Variants in PPFIBP2 observed in about 807,000 individuals in gnomAD.
PPFIBP2 encodes liprin-beta-2.
In PPFIBP2, 118 loss-of-function variants were observed where a neutral mutation model predicts 118.3. The observed-to-expected ratio is 1.00, with a 90% CI of 0.86 to 1.16. PPFIBP2 has a LOEUF of 1.16. PPFIBP2 is among the 50% of genes most tolerant of loss of function. The pLI, the probability that PPFIBP2 is intolerant of heterozygous loss-of-function variation, is 0.00. For missense variants in PPFIBP2, 1,195 were observed against 1,073.1 expected (o/e 1.11, Z -1.59); for synonymous variants, 414 against 397.4 (o/e 1.04, Z -0.50).
At chr11:7,578,431 A>G (rs1856777282) in intron 3 of PPFIBP2, among the ~76,000 whole-genome samples, 1 of 152,230 alleles carries the variant, frequency 6.6e-6, no homozygotes, top group South Asian at 2.1e-4. Flanking sequence ...AAGAACCAGG[A>G]AGTGTCCAGC....
chr11:7,649,098 T>G, intron 19 of PPFIBP2, 49 bp from the exon 20 acceptor site: 1 of 1,553,568 alleles, frequency 6.4e-7, no homozygotes, highest in South Asian at 1.2e-5. Context: ...GTGTCTACAT[T>G]CTCTCATTCT....
At chr11:7,516,059 A>C (rs562268048) in intron 1 of PPFIBP2, among the ~76,000 whole-genome samples, 24 of 152,328 alleles carry the variant, frequency 1.6e-4, no homozygotes, top group African/African-American at 5.8e-4. Flanking sequence ...AAACCTGGCT[A>C]TGCCTCATAA....
chr11:7,623,650 T>C (rs1849624621), intron 7 of PPFIBP2, among the ~76,000 whole-genome samples: 2 of 152,188 alleles, frequency 1.3e-5, no homozygotes, highest in African/African-American at 4.8e-5. Flanking sequence ...AGATTCTCTC[T>C]TGATCGGTCC....
chr11:7,612,664 G>A (rs987910713), intron 6 of PPFIBP2, among the ~76,000 whole-genome samples: 5 of 152,234 alleles, frequency 3.3e-5, no homozygotes, highest in African/African-American at 7.2e-5. Flanking sequence ...GACCCTGAGT[G>A]TCTGGCCTCA....
intron 2 of PPFIBP2, among the ~76,000 whole-genome samples, chr11:7,550,327 G>C (rs1431644986): frequency 2.0e-5 from 3 of 152,230 alleles, no homozygotes; most frequent in Admixed American, 1.3e-4. Flanking sequence ...GGCTGGAAGA[G>C]AGCGTGGAGG....
At chr11:7,604,137 G>A (rs1847028434) in intron 5 of PPFIBP2, among the ~76,000 whole-genome samples, 1 of 152,122 alleles carries the variant, frequency 6.6e-6, no homozygotes, top group South Asian at 2.1e-4. Context: ...TGAGATTAAG[G>A]GCTCCAAGAA....
intron 13 of PPFIBP2, 123 bp from the exon 14 acceptor site, chr11:7,635,429 A>T: frequency 4.6e-6 from 4 of 875,248 alleles, no homozygotes; most frequent in Non-Finnish European, 7.6e-6. Context: ...TGACATGAAG[A>T]TGTGGAGGGA....
At chr11:7,529,564 A>G (rs939696323) in intron 1 of PPFIBP2, among the ~76,000 whole-genome samples, 7 of 152,144 alleles carry the variant, frequency 4.6e-5, no homozygotes, top group Admixed American at 4.6e-4. Context: ...ATGCCAGTGC[A>G]TGGAGCCAGG....
At position 7,577,493 on chromosome 11, in the gene PPFIBP2, G is replaced by A. The variant is rs562090589; in HGVS notation, c.279+11726G>A. The A allele has an allele frequency of 1.5e-3, 655 of 448,420 alleles. 2 individuals are homozygous for A. Among genetic ancestry groups the A allele is most frequent in the Non-Finnish European group, 2.3e-3 (510 of 221,852 alleles). 27.8% of individuals were successfully genotyped at this position (448,420 alleles called of 1,614,324 possible). ...GAACACAGCTTGGAGTTCTTGAGGG[G>A]GGAGGGGGCAGAGGCAAGGAAGAGG... On this transcript the variant is annotated intron_variant, in intron 3 of 23. Transcript: ENST00000299492.
intron 3 of PPFIBP2, among the ~76,000 whole-genome samples, chr11:7,573,064 GC>G (rs1390205411): frequency 6.6e-6 from 1 of 152,228 alleles, no homozygotes; most frequent in Non-Finnish European, 1.5e-5. Flanking sequence ...ACAGGCATGA[GC>G]CACCATACCT....
intron 1 of PPFIBP2, among the ~76,000 whole-genome samples, chr11:7,522,793 G>T (rs1431941359): frequency 6.6e-6 from 1 of 152,186 alleles, no homozygotes; most frequent in East Asian, 1.9e-4. Context: ...GCTGATGGGA[G>T]ATATGAAGTA....
At chr11:7,555,391 A>T (rs1333499014) in intron 2 of PPFIBP2, among the ~76,000 whole-genome samples, 1 of 152,122 alleles carries the variant, frequency 6.6e-6, no homozygotes, top group Non-Finnish European at 1.5e-5. Context: ...AAAACAACAA[A>T]AGATTGTGCA....
the PPFIBP2 span, chr11:7,666,284 CTT>C: frequency 3.3e-6 from 2 of 608,424 alleles, no homozygotes; most frequent in Non-Finnish European, 3.0e-6. Flanking sequence ...ATCCCAAATC[CTT>C]TCTCCCTCAA....
rs548380677 is a variant in PPFIBP2 at position 7,641,169 on chromosome 11, C to T, written c.1376-310C>T. ...TCAGCCAGGGACCCACTACTGCCTGCGTTCCTGCATCTCCCTCTGAGGAAA... is the reference window on the plus strand; with the variant it reads ...TCAGCCAGGGACCCACTACTGCCTGTGTTCCTGCATCTCCCTCTGAGGAAA... On this transcript the variant is annotated intron_variant, in intron 15 of 23. Coordinates refer to ENST00000299492, the MANE Select transcript of PPFIBP2 (RefSeq NM_003621.5). The T allele has an allele frequency of 3.2e-4, 320 of 997,308 alleles. 2 individuals are homozygous for T. The highest frequency in any genetic ancestry group is 7.4e-4 in the South Asian group (53 of 71,954). 61.8% of individuals were successfully genotyped at this position (997,308 alleles called of 1,614,324 possible).
chr11:7,666,505 TG>T, the PPFIBP2 span: 1 of 1,613,634 alleles, frequency 6.2e-7, no homozygotes, highest in South Asian at 1.1e-5. Context: ...GGGTGAGTCC[TG>T]GCAATTTCTT....
At chr11:7,567,343 A>C (rs751863202) in intron 3 of PPFIBP2, among the ~76,000 whole-genome samples, 6 of 152,256 alleles carry the variant, frequency 3.9e-5, no homozygotes, top group Non-Finnish European at 5.9e-5. Context: ...ATCCAAAGGC[A>C]GTTGACATTG....
intron 8 of PPFIBP2, among the ~76,000 whole-genome samples, chr11:7,626,609 GA>G (rs1197204194): frequency 1.3e-5 from 2 of 152,220 alleles, no homozygotes; most frequent in Non-Finnish European, 2.9e-5. Flanking sequence ...TTGAATAAGT[GA>G]AAGGATGGTG....
chr11:7,526,589 C>T (rs946644504), intron 1 of PPFIBP2, among the ~76,000 whole-genome samples: 2 of 152,072 alleles, frequency 1.3e-5, no homozygotes, highest in African/African-American at 4.8e-5. Flanking sequence ...TGTGCAGAAG[C>T]GGCCGGGTGC....
intron 2 of PPFIBP2, among the ~76,000 whole-genome samples, chr11:7,553,597 A>T (rs1590214011): frequency 6.6e-6 from 1 of 152,256 alleles, no homozygotes; most frequent in Non-Finnish European, 1.5e-5. Context: ...TGGCTGTGGG[A>T]TCTTTGGACA....
Sources: allele counts gnomAD v4.1 joint callset (sites outside exome capture counted in the v4.1 genomes callset), GRCh38; gene constraint gnomAD v4.1.1; transcripts MANE v1.5; gene names NCBI Gene and HGNC (gene_info 2026-07-23, HGNC 2026-07-21).